Variants in PTPRM observed in about 807,000 individuals in gnomAD.
PTPRM encodes protein tyrosine phosphatase receptor type M, also known as receptor-type tyrosine-protein phosphatase mu.
PTPRM carries 47 observed loss-of-function variants against 186.7 expected under a neutral mutation model. That is an observed-to-expected ratio of 0.25 (90% CI 0.20 to 0.32). PTPRM has a LOEUF of 0.32. PTPRM is among the 10% of genes least tolerant of loss of function. The pLI, the probability that PTPRM is intolerant of heterozygous loss-of-function variation, is 1.00. For missense variants in PTPRM, 1,494 were observed against 1,865.0 expected (o/e 0.80, Z 3.66); for synonymous variants, 668 against 674.9 (o/e 0.99, Z 0.16).
intron 7 of PTPRM, among the ~76,000 whole-genome samples, chr18:8,023,208 C>T (rs986666015): frequency 2.0e-5 from 3 of 151,934 alleles, no homozygotes; most frequent in African/African-American, 4.8e-5. Context: ...AGGGAAAAGT[C>T]AGGAAGGAAA....
At chr18:8,214,985 T>C (rs1213594604) in intron 14 of PTPRM, among the ~76,000 whole-genome samples, 2 of 152,292 alleles carry the variant, frequency 1.3e-5, no homozygotes, top group South Asian at 2.1e-4. Flanking sequence ...CACTTTTCCA[T>C]AGGACTAAGC....
intron 2 of PTPRM, among the ~76,000 whole-genome samples, chr18:7,885,100 C>A (rs898224919): frequency 2.0e-5 from 3 of 151,984 alleles, no homozygotes; most frequent in Non-Finnish European, 2.9e-5. Context: ...CTGGCACAGA[C>A]CCCATGAGAC....
At chr18:8,302,566 G>A (rs961684624) in intron 20 of PTPRM, among the ~76,000 whole-genome samples, 3 of 152,182 alleles carry the variant, frequency 2.0e-5, no homozygotes, top group African/African-American at 7.2e-5. Context: ...GAAAGGGACA[G>A]CTGTTGAGGA....
intron 2 of PTPRM, among the ~76,000 whole-genome samples, chr18:7,776,604 G>A (rs1032144805): frequency 5.3e-5 from 8 of 151,778 alleles, no homozygotes; most frequent in Non-Finnish European, 4.4e-5. Flanking sequence ...AATTATTGTA[G>A]GAGAGGAAGG....
intron 2 of PTPRM, among the ~76,000 whole-genome samples, chr18:7,842,600 T>A (rs1033080235): frequency 2.6e-5 from 4 of 152,192 alleles, no homozygotes; most frequent in Non-Finnish European, 5.9e-5. Flanking sequence ...ATAATATGGG[T>A]GAGCCTCATT....
intron 23 of PTPRM, among the ~76,000 whole-genome samples, chr18:8,355,957 TC>T (rs761649070): frequency 3.9e-5 from 6 of 152,144 alleles, no homozygotes; most frequent in Non-Finnish European, 5.9e-5. Flanking sequence ...GGATAGAACC[TC>T]CGACTCCCAA....
At chr18:7,649,652 G>A (rs1439489538) in intron 1 of PTPRM, among the ~76,000 whole-genome samples, 1 of 152,106 alleles carries the variant, frequency 6.6e-6, no homozygotes, top group Non-Finnish European at 1.5e-5. Context: ...AGTTACCCGG[G>A]AGGCGGATGT....
intron 22 of PTPRM, among the ~76,000 whole-genome samples, chr18:8,336,597 A>G (rs2095440583): frequency 6.8e-6 from 1 of 147,118 alleles, no homozygotes; most frequent in South Asian, 2.3e-4. Context: ...ACAGAGAGAG[A>G]GAAAAGAAGA....
At chr18:8,302,241 A>G (rs1299792238) in intron 20 of PTPRM, among the ~76,000 whole-genome samples, 1 of 152,188 alleles carries the variant, frequency 6.6e-6, no homozygotes, top group African/African-American at 2.4e-5. Context: ...GGGACATGGA[A>G]AACAACTGAA....
intron 2 of PTPRM, among the ~76,000 whole-genome samples, chr18:7,851,092 T>C (rs2046836958): frequency 6.6e-6 from 1 of 152,180 alleles, no homozygotes; most frequent in Non-Finnish European, 1.5e-5. Flanking sequence ...TGAGTTGGTT[T>C]AAGAGAAGAT....
In PTPRM at chr18:7,775,979, G is replaced by A. The variant is rs116168266; in HGVS notation, c.196+1708G>A. Among the ~76,000 whole-genome samples the A allele has an allele frequency of 7.5e-3, 1,148 of 152,106 alleles. 16 individuals carry two copies. Among genetic ancestry groups the A allele is most frequent in the African/African-American group, 0.025 (1,055 of 41,504 alleles). On this transcript the variant is annotated intron_variant, in intron 2 of 32. Coordinates refer to ENST00000580170, the MANE Select transcript of PTPRM (RefSeq NM_001105244.2). ...TTAAAATCATAGGTTTCTAGCACAG[G>A]CCGTTAAAAAAATGGTAGTAAAGTT...
At chr18:8,378,841 C>T (rs1382400894) in intron 27 of PTPRM, among the ~76,000 whole-genome samples, 3 of 152,118 alleles carry the variant, frequency 2.0e-5, no homozygotes, top group African/African-American at 7.2e-5. Context: ...CAGATGTACC[C>T]GAGTCAAGGC....
At chr18:8,227,515 A>C (rs1303657533) in intron 14 of PTPRM, among the ~76,000 whole-genome samples, 1 of 152,194 alleles carries the variant, frequency 6.6e-6, no homozygotes, top group African/African-American at 2.4e-5. Context: ...GGATTTTATG[A>C]AGTCAGTGCT....
intron 22 of PTPRM, among the ~76,000 whole-genome samples, chr18:8,322,420 G>T (rs1188190433): frequency 6.6e-6 from 1 of 152,030 alleles, no homozygotes; most frequent in Non-Finnish European, 1.5e-5. Context: ...ATCTCCCCTT[G>T]GTTTAATTGT....
intron 11 of PTPRM, among the ~76,000 whole-genome samples, chr18:8,111,536 C>T (rs959995841): frequency 1.3e-5 from 2 of 151,832 alleles, no homozygotes; most frequent in African/African-American, 4.8e-5. Context: ...TGGCGTGAAC[C>T]CAGGAGGCAG....
intron 3 of PTPRM, among the ~76,000 whole-genome samples, chr18:7,895,347 C>T (rs1234760821): frequency 6.6e-6 from 1 of 152,228 alleles, no homozygotes; most frequent in Admixed American, 6.5e-5. Flanking sequence ...TTGATGCTTT[C>T]TCCCTGCTAA....
intron 1 of PTPRM, among the ~76,000 whole-genome samples, chr18:7,656,318 A>G (rs1393646736): frequency 1.3e-5 from 2 of 152,232 alleles, no homozygotes; most frequent in East Asian, 3.8e-4. Context: ...AGCTGATCAC[A>G]GAAAGACAAA....
chr18:7,616,300 G>C (rs529194559), intron 1 of PTPRM, among the ~76,000 whole-genome samples: 71 of 152,194 alleles, frequency 4.7e-4, no homozygotes, highest in African/African-American at 1.6e-3. Flanking sequence ...ATGGACTACA[G>C]GCATAGTGCC....
At chr18:7,887,172 G>A (rs979584272) in intron 2 of PTPRM, among the ~76,000 whole-genome samples, 27 of 152,110 alleles carry the variant, frequency 1.8e-4, no homozygotes, top group Middle Eastern at 3.4e-3. Context: ...TGCTAAAGCC[G>A]ACCTATGATA....
Sources: allele counts gnomAD v4.1 joint callset (sites outside exome capture counted in the v4.1 genomes callset), GRCh38; gene constraint gnomAD v4.1.1; transcripts MANE v1.5; gene names NCBI Gene and HGNC (gene_info 2026-07-23, HGNC 2026-07-21).